LUC7L: variants seen among roughly 807,000 people sequenced by gnomAD.
LUC7L encodes putative RNA-binding protein Luc7-like 1.
In LUC7L, 29 loss-of-function variants were observed where a neutral mutation model predicts 51.1. The observed-to-expected ratio is 0.57, with a 90% CI of 0.42 to 0.77. The LOEUF is 0.77. LUC7L is among the 30% of genes least tolerant of loss of function. LUC7L has a pLI of 0.00. For missense variants in LUC7L, 403 were observed against 511.9 expected, an observed-to-expected ratio of 0.79 and a Z score of 2.05; for synonymous variants, 181 against 180.7, an observed-to-expected ratio of 1.00 and a Z score of -0.01.
chr16:209,455 A>G (rs2049576694), intron 3 of LUC7L: 1 of 143,238 alleles, frequency 7.0e-6, no homozygotes, highest in Non-Finnish European at 1.5e-5. Flanking sequence ...GCACCACTGC[A>G]CTCCAGCCTG....
intron 1 of LUC7L, chr16:228,226 T>C: frequency 1.5e-5 from 20 of 1,296,604 alleles, no homozygotes; most frequent in Non-Finnish European, 1.8e-5. Context: ...TAATGTAGTG[T>C]CTTTTTATTG....
chr16:194,574 G>A (rs895243425), intron 6 of LUC7L, among the ~76,000 whole-genome samples: 2 of 152,182 alleles, frequency 1.3e-5, no homozygotes, highest in African/African-American at 4.8e-5. Context: ...TCTTGCTACT[G>A]GGAGCAGAAT....
At chr16:201,909 A>G (rs1259234259) in intron 5 of LUC7L, among the ~76,000 whole-genome samples, 1 of 151,686 alleles carries the variant, frequency 6.6e-6, no homozygotes, top group Non-Finnish European at 1.5e-5. Flanking sequence ...ACACCTGGCT[A>G]ATTTTTATAC....
intron 5 of LUC7L, among the ~76,000 whole-genome samples, chr16:201,580 C>G (rs1354438106): frequency 6.6e-6 from 1 of 151,980 alleles, no homozygotes; most frequent in Non-Finnish European, 1.5e-5. Flanking sequence ...GCTGGGACTA[C>G]AAGCGCACGC....
intron 4 of LUC7L, among the ~76,000 whole-genome samples, chr16:206,937 T>G (rs554173665): frequency 1.4e-5 from 2 of 146,636 alleles, no homozygotes; most frequent in African/African-American, 5.0e-5. Flanking sequence ...CAGTGGCTCA[T>G]GCCTGTAATC....
At chr16:227,592 A>G in intron 1 of LUC7L, 1 of 1,299,096 alleles carries the variant, frequency 7.7e-7, no homozygotes, top group Non-Finnish European at 9.8e-7. Context: ...AAGGAGTCAG[A>G]CGTAAACAGC....
chr16:220,805 C>A, intron 2 of LUC7L, 58 bp from the exon 3 acceptor site: 2 of 1,096,732 alleles, frequency 1.8e-6, no homozygotes, highest in Non-Finnish European at 2.8e-6. Flanking sequence ...AGAAAGCACA[C>A]AACGCGACTT....
intron 5 of LUC7L, among the ~76,000 whole-genome samples, chr16:204,623 G>A (rs556468838): frequency 7.2e-5 from 11 of 151,830 alleles, no homozygotes; most frequent in Non-Finnish European, 1.6e-4. Flanking sequence ...AAAATTATAA[G>A]GAAGAGAAAA....
intron 3 of LUC7L, among the ~76,000 whole-genome samples, chr16:212,876 C>A (rs1390185293): frequency 6.6e-6 from 1 of 151,698 alleles, no homozygotes; most frequent in Non-Finnish European, 1.5e-5. Flanking sequence ...CTCTCAGGTT[C>A]AAACCATCCT....
intron 1 of LUC7L, chr16:228,087 G>T: frequency 8.7e-7 from 1 of 1,147,008 alleles, no homozygotes; most frequent in Non-Finnish European, 1.1e-6. Context: ...TAAGGAAGTC[G>T]GGGGAATGAT....
Position 227,264 on chromosome 16 carries a change from G to C in LUC7L, c.134C>G (p.Pro45Arg). 6.2e-7 allele frequency: 1 copy of C among 1,613,032 alleles called. No homozygotes were observed. The highest frequency in any genetic ancestry group is 8.5e-7 in the Non-Finnish European group (1 of 1,179,486). The change falls in exon 2 of 10, where the codon CCC (proline) becomes CGC (arginine). Residue 45 changes from proline to arginine, a missense_variant. Coordinates refer to ENST00000293872, the MANE Select transcript of LUC7L (RefSeq NM_201412.3). ...VCKSHLLDCC[P>R]HDILAGTRMD... is the part of the protein sequence containing the mutation. ...TACCGTCCCAGCCAGGATGTCATGG[G>C]GGCAGCAGTCCAGAAGGTGACTCTT...
At chr16:197,029 T>A (rs1187498400) in intron 6 of LUC7L, among the ~76,000 whole-genome samples, 1 of 149,882 alleles carries the variant, frequency 6.7e-6, no homozygotes, top group East Asian at 2.0e-4. Flanking sequence ...TGCCTCGGCC[T>A]CCCGAGTAGC....
chr16:208,757 C>T, intron 3 of LUC7L: 1 of 361,982 alleles, frequency 2.8e-6, no homozygotes, highest in Non-Finnish European at 3.8e-6. Context: ...AAATTGGTTG[C>T]TATTTACCCA....
Position 190,537 on chromosome 16 carries a change from C to A in LUC7L, c.806+4G>T, listed in dbSNP as rs1240144620. On this transcript the variant is annotated splice_donor_region_variant and intron_variant, in intron 8 of 9. Coordinates refer to ENST00000293872, the MANE Select transcript of LUC7L (RefSeq NM_201412.3). ...AGAACATTTTAATGGACCTGGAAAC[C>A]TACCTCCTGCGATCTCTGGTTCTTG... 2 of 1,613,688 alleles carry A rather than the reference C, an allele frequency of 1.2e-6. No homozygotes were observed. The highest frequency in any genetic ancestry group is 2.7e-5 in the African/African-American group (2 of 74,904).
intron 6 of LUC7L, among the ~76,000 whole-genome samples, chr16:197,062 C>G (rs1366171488): frequency 6.6e-6 from 1 of 151,434 alleles, no homozygotes; most frequent in Non-Finnish European, 1.5e-5. Flanking sequence ...TGCCCACCAC[C>G]ATGCTCGGCT....
chr16:190,671 C>T (rs1596588352), intron 7 of LUC7L, 101 bp from the exon 8 acceptor site: 10 of 1,035,570 alleles, frequency 9.7e-6, no homozygotes, highest in Middle Eastern at 3.1e-4. Context: ...CCTGAGGTCA[C>T]GAGCTGGAGA....
At chr16:207,487 T>A (rs934951244) in intron 4 of LUC7L, among the ~76,000 whole-genome samples, 80 of 152,142 alleles carry the variant, frequency 5.3e-4, no homozygotes, top group Non-Finnish European at 1.3e-4. Flanking sequence ...CCCAAAGTGC[T>A]GGGACTACAA....
At chr16:196,033 G>A (rs2049139352) in intron 6 of LUC7L, among the ~76,000 whole-genome samples, 1 of 152,016 alleles carries the variant, frequency 6.6e-6, no homozygotes, top group Non-Finnish European at 1.5e-5. Flanking sequence ...AGGTAGAAGG[G>A]AAAAACATTT....
chr16:208,882 G>T (rs2049558785), intron 3 of LUC7L: 1 of 152,206 alleles, frequency 6.6e-6, no homozygotes, highest in African/African-American at 2.4e-5. Flanking sequence ...CTAGGCAAAG[G>T]CTAACATAAT....
Sources: allele counts gnomAD v4.1 joint callset (sites outside exome capture counted in the v4.1 genomes callset), GRCh38; gene constraint gnomAD v4.1.1; transcripts MANE v1.5; gene names NCBI Gene and HGNC (gene_info 2026-07-23, HGNC 2026-07-21).